Variants in SUGCT observed in about 807,000 individuals in gnomAD.
SUGCT encodes succinyl-CoA:glutarate CoA-transferase.
In SUGCT, 41 loss-of-function variants were observed where a neutral mutation model predicts 55.0. That is an observed-to-expected ratio of 0.74 (90% CI 0.58 to 0.97). The LOEUF is 0.97. Among genes scored for constraint, SUGCT ranks in the 50% least tolerant of loss-of-function variants. The pLI, the probability that SUGCT is intolerant of heterozygous loss-of-function variation, is 0.00. For missense variants in SUGCT, 568 were observed against 547.8 expected (o/e 1.04, Z -0.37); for synonymous variants, 187 against 200.4 (o/e 0.93, Z 0.56).
chr7:40,450,032 G>A (rs915851483), intron 10 of SUGCT, among the ~76,000 whole-genome samples: 3 of 152,026 alleles, frequency 2.0e-5, no homozygotes, highest in South Asian at 2.1e-4. Context: ...TGCTCCAAGC[G>A]ATTCTCCTGC....
At chr7:40,513,783 ATT>A (rs869065628) in intron 12 of SUGCT, among the ~76,000 whole-genome samples, 28 of 103,944 alleles carry the variant, frequency 2.7e-4, no homozygotes, top group South Asian at 3.2e-4. Context: ...TCAGGGAAGT[ATT>A]TTTTTTTTTT....
chr7:40,200,157 C>T (rs1250977957), intron 6 of SUGCT, among the ~76,000 whole-genome samples: 1 of 152,124 alleles, frequency 6.6e-6, no homozygotes, highest in African/African-American at 2.4e-5. Flanking sequence ...TTATTTCCTT[C>T]CTTTCTTCCC....
chr7:40,574,413 AGTTTTGTTGTTGTTT>A (rs1281780217), intron 12 of SUGCT, among the ~76,000 whole-genome samples: 14 of 151,882 alleles, frequency 9.2e-5, no homozygotes, highest in African/African-American at 3.4e-4. Context: ...TGGGCCTGTT[AGTTTTGTTGTTGTTT>A]GTTTTGTTGT....
At chr7:40,345,997 G>A (rs1412357453) in intron 9 of SUGCT, among the ~76,000 whole-genome samples, 1 of 151,336 alleles carries the variant, frequency 6.6e-6, no homozygotes, top group Non-Finnish European at 1.5e-5. Context: ...GTTCTTTAGT[G>A]GTTGTTTCTG....
chr7:40,473,370 A>G (rs1790500731), intron 11 of SUGCT, among the ~76,000 whole-genome samples: 2 of 152,164 alleles, frequency 1.3e-5, no homozygotes. Context: ...TCCCAATAGC[A>G]ATAGTAGTTG....
At chr7:40,843,123 A>G (rs959013494) in intron 13 of SUGCT, among the ~76,000 whole-genome samples, 4 of 152,224 alleles carry the variant, frequency 2.6e-5, no homozygotes, top group African/African-American at 4.8e-5. Flanking sequence ...ACAGATAAAG[A>G]ATGGTAGATG....
At chr7:40,181,026 TG>T (rs1245373335) in intron 2 of SUGCT, 28 bp downstream of exon 2, 2 of 1,547,228 alleles carry the variant, frequency 1.3e-6, no homozygotes, top group African/African-American at 2.7e-5. Context: ...TACATTTTGG[TG>T]ATTGGGTTTT....
In SUGCT at chr7:40,459,176, C is replaced by G. The variant is rs1469755215; in HGVS notation, c.964C>G (p.Leu322Val). 1.2e-6 allele frequency: 2 copies of G among 1,604,848 alleles called. No homozygotes were observed. The highest frequency in any genetic ancestry group is 1.7e-6 in the Non-Finnish European group (2 of 1,172,986). Residue 322 changes from leucine (L) to valine (V), a missense_variant, in exon 11 of 14, where the codon CTT (leucine) becomes GTT (valine). Transcript: ENST00000335693. Reference protein sequence around the residue: ...NHLRVHNRKELIKILSERFEE... With the variant: ...NHLRVHNRKEVIKILSERFEE... ...CCTTCGGGTACACAATAGAAAAGAG[C>G]TTATTAAAATATTATCTGAACGGTA... is the stretch of plus-strand genomic sequence containing the variant.
the SUGCT span, among the ~76,000 whole-genome samples, chr7:41,002,748 T>C: frequency 6.6e-6 from 1 of 152,228 alleles, no homozygotes; most frequent in African/African-American, 2.4e-5. Flanking sequence ...TGAAGCACTT[T>C]AGAAGTCTTA....
intron 7 of SUGCT, among the ~76,000 whole-genome samples, chr7:40,258,672 C>T (rs1450425291): frequency 2.6e-5 from 4 of 152,322 alleles, no homozygotes; most frequent in African/African-American, 7.2e-5. Flanking sequence ...CCACCACACC[C>T]GGCCTGGAAA....
At chr7:40,189,838 C>A (rs1416571251) in intron 5 of SUGCT, among the ~76,000 whole-genome samples, 1 of 152,056 alleles carries the variant, frequency 6.6e-6, no homozygotes, top group Non-Finnish European at 1.5e-5. Context: ...TGCAGCAAAT[C>A]CTGGGCTTGG....
chr7:40,663,485 ATGTGTGTGTGTG>A (rs59033010), intron 12 of SUGCT, among the ~76,000 whole-genome samples: 5 of 135,064 alleles, frequency 3.7e-5, no homozygotes, highest in South Asian at 2.6e-4. Flanking sequence ...TTTGTGGTGT[ATGTGTGTGTGTG>A]TGTGTGTGTG....
chr7:40,898,030 G>C, the SUGCT span, among the ~76,000 whole-genome samples: 2 of 152,108 alleles, frequency 1.3e-5, no homozygotes, highest in Non-Finnish European at 2.9e-5. Flanking sequence ...GTGTTCTTTC[G>C]CTTTTCAGAT....
chr7:40,308,415 G>A (rs1794951448), intron 8 of SUGCT, among the ~76,000 whole-genome samples: 1 of 152,004 alleles, frequency 6.6e-6, no homozygotes, highest in South Asian at 2.1e-4. Flanking sequence ...TTATAAAATG[G>A]GAGTTGCAAT....
chr7:40,507,172 G>A (rs562981274), intron 12 of SUGCT, among the ~76,000 whole-genome samples: 3 of 152,132 alleles, frequency 2.0e-5, no homozygotes, highest in African/African-American at 4.8e-5. Flanking sequence ...TCCCCTCCCC[G>A]ACCTTTAAGG....
chr7:40,496,376 C>A lies in SUGCT; in HGVS notation c.1079C>A (p.Ala360Glu). The A allele has an allele frequency of 6.2e-7, 1 of 1,609,938 alleles. No homozygotes were observed. Among genetic ancestry groups the A allele is most frequent in the East Asian group, 2.2e-5 (1 of 44,752 alleles). Residue 360 changes from alanine (A) to glutamate (E), a missense_variant, in exon 12 of 14, where the codon GCA (alanine) becomes GAA (glutamate). Ala to Glu is a moderately radical substitution (Grantham distance 107, BLOSUM62 -1). Coordinates refer to ENST00000335693, the MANE Select transcript of SUGCT (RefSeq NM_001193313.2). ...GPINNMKNVF[A>E]EPQVLHNGLV... is the part of the protein sequence containing the mutation. ...ATCAACAACATGAAGAATGTATTTG[C>A]AGAACCTCAGGTTTGTTTTTGAAGT... is the stretch of plus-strand genomic sequence containing the variant.
At chr7:40,538,504 T>G (rs1435986329) in intron 12 of SUGCT, 2 of 152,236 alleles carry the variant, frequency 1.3e-5, no homozygotes, top group African/African-American at 4.8e-5. Context: ...AGGTTACCGT[T>G]GTGGTCACCA....
At chr7:40,217,219 CT>C (rs950210254) in intron 6 of SUGCT, among the ~76,000 whole-genome samples, 13 of 151,842 alleles carry the variant, frequency 8.6e-5, no homozygotes, top group African/African-American at 2.4e-4. Flanking sequence ...TCTTCTTCTT[CT>C]TTTTTTTAAG....
At chr7:40,420,199 C>T (rs921442256) in intron 9 of SUGCT, among the ~76,000 whole-genome samples, 47 of 152,096 alleles carry the variant, frequency 3.1e-4, no homozygotes, top group Admixed American at 1.9e-3. Context: ...GTGTCAAAGG[C>T]ACATTGGGGT....
Sources: allele counts gnomAD v4.1 joint callset (sites outside exome capture counted in the v4.1 genomes callset), GRCh38; gene constraint gnomAD v4.1.1; transcripts MANE v1.5; gene names NCBI Gene and HGNC (gene_info 2026-07-23, HGNC 2026-07-21).